RB1: variants seen among roughly 807,000 people sequenced by gnomAD.
The protein encoded by RB1 is retinoblastoma-associated protein.
A neutral mutation model predicts 135.4 loss-of-function variants in RB1; 18 were observed. That is an observed-to-expected ratio of 0.13 (90% CI 0.09 to 0.20). The LOEUF (loss-of-function observed/expected upper bound fraction) is 0.20, where lower values mean the gene tolerates loss of function less well. Ranked by LOEUF, RB1 falls within the 10% of genes least tolerant of loss-of-function variation. The pLI is 1.00. For synonymous variants in RB1, 365 were observed against 373.2 expected (o/e 0.98, Z 0.25); for missense variants, 868 against 1,110.0 (o/e 0.78, Z 3.10).
intron 2 of RB1, chr13:48,328,069 A>G: frequency 2.4e-6 from 2 of 826,820 alleles, no homozygotes; most frequent in East Asian, 2.4e-5. Context: ...CCCCAATTTC[A>G]AAACATCATT....
intron 2 of RB1, among the ~76,000 whole-genome samples, chr13:48,314,707 AG>A (rs1315422529): frequency 1.4e-4 from 22 of 152,058 alleles, no homozygotes; most frequent in African/African-American, 5.3e-4. Context: ...AGGCTGAGGC[AG>A]GAGAATCGCT....
chr13:48,419,733 A>G (rs549444678), intron 17 of RB1, among the ~76,000 whole-genome samples: 1 of 152,354 alleles, frequency 6.6e-6, no homozygotes, highest in East Asian at 1.9e-4. Context: ...AGAAATACAA[A>G]CTACCATCAG....
intron 7 of RB1, among the ~76,000 whole-genome samples, chr13:48,361,702 A>G (rs1448477195): frequency 6.6e-6 from 1 of 152,150 alleles, no homozygotes; most frequent in Non-Finnish European, 1.5e-5. Flanking sequence ...AATAAGATTT[A>G]TACTTTGTGT....
chr13:48,449,698 C>T (rs1055893582), intron 17 of RB1, among the ~76,000 whole-genome samples: 2 of 152,018 alleles, frequency 1.3e-5, no homozygotes, highest in African/African-American at 2.4e-5. Flanking sequence ...TGCTCCAGCA[C>T]GGGTGACAGA....
At chr13:48,384,515 T>C (rs954686186) in intron 17 of RB1, among the ~76,000 whole-genome samples, 2 of 152,244 alleles carry the variant, frequency 1.3e-5, no homozygotes, top group Non-Finnish European at 2.9e-5. Context: ...GGTGAATTTG[T>C]CACAAATTGA....
At position 48,459,714 on chromosome 13, in the gene RB1, A is replaced by C; in HGVS notation, c.1987A>C (p.Asn663His). 6.2e-7 allele frequency: 1 copy of C among 1,614,064 alleles called. No homozygotes were observed. The highest frequency in any genetic ancestry group is 8.5e-7 in the Non-Finnish European group (1 of 1,180,014). The change falls in exon 20 of 27, where the codon AAT becomes CAT. Residue 663 changes from asparagine to histidine, a missense_variant. By Grantham distance (68) the Asn-to-His change is moderately conservative. Coordinates refer to ENST00000267163, the MANE Select transcript of RB1 (RefSeq NM_000321.3). ...GTATCGGCTAGCCTATCTCCGGCTA[A>C]ATACACTTTGTGAACGCCTTCTGTC... ...KVYRLAYLRL[N>H]TLCERLLSEH...
intron 4 of RB1, 120 bp from the exon 5 acceptor site, chr13:48,347,705 A>G: frequency 1.5e-6 from 1 of 664,326 alleles, no homozygotes; most frequent in Non-Finnish European, 2.6e-6. Context: ...TTATAATGCT[A>G]TATATTTTTT....
chr13:48,379,508 A>G (rs1352157696), intron 13 of RB1, 86 bp from the exon 14 acceptor site: 1 of 1,467,848 alleles, frequency 6.8e-7, no homozygotes, highest in Non-Finnish European at 9.1e-7. Flanking sequence ...CAAAACAGTG[A>G]GACTCCATCT....
intron 18 of RB1, among the ~76,000 whole-genome samples, chr13:48,455,967 A>AT (rs1245238906): frequency 6.6e-6 from 1 of 152,132 alleles, no homozygotes; most frequent in Non-Finnish European, 1.5e-5. Context: ...ATATATAGCT[A>AT]TTTTTTTCTA....
At position 48,348,794 on chromosome 13, in the gene RB1, T is replaced by C. The variant is rs74075978; in HGVS notation, c.540-162T>C. Among the ~76,000 whole-genome samples the C allele has an allele frequency of 0.033, 5,034 of 151,562 alleles. 281 individuals are homozygous for C. The highest frequency in any genetic ancestry group is 0.11 in the African/African-American group (4,760 of 41,396). ...TTAAATGAATAGAGATAAACTCAGG[T>C]GTAAATTATGCAATTAAAATGGACT... On this transcript the variant is annotated intron_variant, in intron 5 of 26. Coordinates refer to ENST00000267163, the MANE Select transcript of RB1 (RefSeq NM_000321.3).
Position 48,319,574 on chromosome 13 carries a change from G to C in RB1, c.264+12168G>C. On this transcript the variant is annotated intron_variant, in intron 2 of 26. Transcript: ENST00000267163. This position sits in a 1 kb window ranked among gnomAD's most constrained non-coding sequence, Gnocchi z 5.0. Reference sequence around the variant, plus strand: ...CCTGCTTGGTCGTGACCCTGGACTTGAGGCTTCTGGGCTGCACGTTCGTCT... The same window carrying C: ...CCTGCTTGGTCGTGACCCTGGACTTCAGGCTTCTGGGCTGCACGTTCGTCT... The C allele has an allele frequency of 3.9e-6, 1 of 255,490 alleles. No individual in the cohort carries two copies. The highest frequency in any genetic ancestry group is 1.1e-4 in the East Asian group (1 of 9,402). The allele number at this position is 255,490 out of a possible 1,614,324, so 15.8% of individuals were successfully genotyped here.
intron 2 of RB1, chr13:48,316,940 C>T: frequency 2.8e-6 from 1 of 363,122 alleles, no homozygotes. Flanking sequence ...CCAAGGCGTG[C>T]CCGCCCAAGG....
intron 17 of RB1, among the ~76,000 whole-genome samples, chr13:48,386,261 G>C: frequency 6.6e-6 from 1 of 152,164 alleles, no homozygotes; most frequent in East Asian, 1.9e-4. Flanking sequence ...CTTTGTCATT[G>C]TGTGAACATC....
At chr13:48,314,048 G>A (rs1952158408) in intron 2 of RB1, among the ~76,000 whole-genome samples, 1 of 152,202 alleles carries the variant, frequency 6.6e-6, no homozygotes, top group South Asian at 2.1e-4. Flanking sequence ...GCGCCTGGCC[G>A]TATGTTTATT....
intron 9 of RB1, among the ~76,000 whole-genome samples, chr13:48,367,253 A>C (rs1328920706): frequency 1.3e-5 from 2 of 152,146 alleles, no homozygotes; most frequent in African/African-American, 4.8e-5. Context: ...CTTTGTCTAC[A>C]TAAAATTCTA....
rs1183524821 is a variant in RB1, at chr13:48,303,873, C to T, written c.-40C>T. 2.0e-6 allele frequency: 3 copies of T among 1,511,352 alleles called. No homozygotes were observed. The African/African-American group carries it at 4.3e-5, about 22-fold the overall frequency. The allele number at this position is 1,511,352 out of a possible 1,614,324, so 93.6% of individuals were successfully genotyped here. On this transcript the variant is annotated 5_prime_UTR_variant, in exon 1 of 27. Coordinates refer to ENST00000267163, the MANE Select transcript of RB1 (RefSeq NM_000321.3). ...TGCGCGCGCGTCGTCCTCCCCGGCG[C>T]TCCTCCACAGCTCGCTGGCTCCCGC...
intron 17 of RB1, among the ~76,000 whole-genome samples, chr13:48,414,654 CTT>C (rs34614843): frequency 0.19 from 29,335 of 151,818 alleles, 3,159 homozygotes; most frequent in South Asian, 0.26. Context: ...TTAAAAATAA[CTT>C]ATTACAGTAA....
chr13:48,366,687 G>A (rs1952702777), intron 9 of RB1, among the ~76,000 whole-genome samples: 1 of 152,176 alleles, frequency 6.6e-6, no homozygotes, highest in African/African-American at 2.4e-5. Flanking sequence ...CTGATAAATT[G>A]AGCTAATTGT....
At chr13:48,465,438 T>G (rs1239297086) in intron 23 of RB1, 70 bp downstream of exon 23, 1 of 1,405,804 alleles carries the variant, frequency 7.1e-7, no homozygotes, top group African/African-American at 1.4e-5. Flanking sequence ...GAATAAAAAA[T>G]ATAAAGCATT....
Sources: gnomAD v4.1 joint callset for allele counts (sites outside exome capture counted in the v4.1 genomes callset) on GRCh38, gnomAD v4.1.1 for gene constraint, Gnocchi (gnomAD v3.1) non-coding constraint, MANE v1.5 for transcripts, NCBI Gene and HGNC (gene_info 2026-07-23, HGNC 2026-07-21) for gene names.